Variants in GPC6 observed in about 807,000 individuals in gnomAD.
GPC6 encodes glypican-6.
A neutral mutation model predicts 55.2 loss-of-function variants in GPC6; 14 were observed. The observed-to-expected ratio is 0.25, with a 90% CI of 0.17 to 0.40. The LOEUF is 0.40. GPC6 is among the 10% of genes least tolerant of loss of function. The pLI, the probability that GPC6 is intolerant of heterozygous loss-of-function variation, is 1.00. For synonymous variants in GPC6, 278 were observed against 259.6 expected (o/e 1.07, Z -0.68); for missense variants, 641 against 708.5 (o/e 0.90, Z 1.08).
chr13:93,661,936 A>AT (rs760377318), intron 2 of GPC6, among the ~76,000 whole-genome samples: 3 of 152,048 alleles, frequency 2.0e-5, no homozygotes, highest in Non-Finnish European at 4.4e-5. Flanking sequence ...TGGGCCAGCT[A>AT]TTTTTCAATG....
chr13:94,312,325 T>TAAA (rs1388666095), intron 6 of GPC6, among the ~76,000 whole-genome samples: 1 of 152,222 alleles, frequency 6.6e-6, no homozygotes, highest in Non-Finnish European at 1.5e-5. Context: ...ATATGCAACT[T>TAAA]TTTTAATTGT....
intron 2 of GPC6, among the ~76,000 whole-genome samples, chr13:93,801,308 G>T (rs909269517): frequency 6.6e-6 from 1 of 152,140 alleles, no homozygotes; most frequent in African/African-American, 2.4e-5. Context: ...TAGAACTAAA[G>T]ATAACAAAGA....
intron 1 of GPC6, among the ~76,000 whole-genome samples, chr13:93,405,644 T>G (rs1876259088): frequency 6.9e-6 from 1 of 144,328 alleles, no homozygotes; most frequent in South Asian, 2.2e-4. Context: ...CTCAATATAA[T>G]CCTTTTTTTT....
intron 4 of GPC6, among the ~76,000 whole-genome samples, chr13:94,249,296 T>C (rs965495734): frequency 2.0e-5 from 3 of 152,154 alleles, no homozygotes; most frequent in Admixed American, 6.5e-5. Flanking sequence ...CACACATCAT[T>C]AGACCTCAGA....
intron 1 of GPC6, among the ~76,000 whole-genome samples, chr13:93,355,669 G>A (rs1414705198): frequency 3.3e-5 from 5 of 152,128 alleles, no homozygotes; most frequent in African/African-American, 1.2e-4. Context: ...GAGAAGTGAT[G>A]GAACTAGAAC....
At chr13:94,284,612 T>C (rs974282802) in intron 4 of GPC6, among the ~76,000 whole-genome samples, 2 of 152,118 alleles carry the variant, frequency 1.3e-5, no homozygotes, top group Non-Finnish European at 2.9e-5. Context: ...CTTCTTCCTA[T>C]TCTTCACAAA....
At chr13:93,732,120 T>C (rs1883845982) in intron 2 of GPC6, among the ~76,000 whole-genome samples, 1 of 152,218 alleles carries the variant, frequency 6.6e-6, no homozygotes, top group Non-Finnish European at 1.5e-5. Flanking sequence ...CTTTCTATTC[T>C]GAGAGAAAAA....
At chr13:93,647,908 C>T (rs1880241681) in intron 2 of GPC6, among the ~76,000 whole-genome samples, 1 of 152,110 alleles carries the variant, frequency 6.6e-6, no homozygotes, top group Non-Finnish European at 1.5e-5. Flanking sequence ...CGACACCCTT[C>T]CCTGGTGTAG....
rs189950559 is a variant in GPC6, at chr13:94,068,114, T to C, written c.877+40220T>C. On this transcript the variant is annotated intron_variant, in intron 4 of 8. Coordinates refer to ENST00000377047, the MANE Select transcript of GPC6 (RefSeq NM_005708.5). ...TAAAGACATACTCGAGACTGGGCAA[T>C]GTACAAAAGAAAGAGGTTTAATGGA... 2.0e-5 allele frequency among the ~76,000 whole-genome samples: 3 copies of C among 152,258 alleles called. No homozygotes were observed. In the East Asian group the frequency reaches 5.8e-4, roughly 29 times the overall value.
chr13:93,763,083 T>C (rs1885004298), intron 2 of GPC6, among the ~76,000 whole-genome samples: 1 of 152,232 alleles, frequency 6.6e-6, no homozygotes, highest in South Asian at 2.1e-4. Context: ...TTCTCCGTTT[T>C]CATGATAGGA....
intron 4 of GPC6, among the ~76,000 whole-genome samples, chr13:94,104,955 G>T (rs1174704991): frequency 6.6e-6 from 1 of 151,970 alleles, no homozygotes; most frequent in African/African-American, 2.4e-5. Context: ...TCACAGAATT[G>T]GAAAAAACTA....
At chr13:94,006,166 A>G (rs1882013447) in intron 3 of GPC6, among the ~76,000 whole-genome samples, 1 of 152,138 alleles carries the variant, frequency 6.6e-6, no homozygotes, top group Non-Finnish European at 1.5e-5. Flanking sequence ...TCACGCACAT[A>G]CTCCTCAAAA....
intron 1 of GPC6, among the ~76,000 whole-genome samples, chr13:93,528,469 G>A (rs900218539): frequency 6.6e-6 from 1 of 152,152 alleles, no homozygotes; most frequent in African/African-American, 2.4e-5. Flanking sequence ...GTCACTGGGA[G>A]GTGGTGAATT....
rs5805827 is a variant in GPC6 at position 93,811,589 on chromosome 13, AT to A, written c.320-18554del. Among the ~76,000 whole-genome samples the A allele has an allele frequency of 2.1e-3, 307 of 148,882 alleles. 1 individual carries two copies. The highest frequency in any genetic ancestry group is 1.6e-3 in the Admixed American group (24 of 14,938). On this transcript the variant is annotated intron_variant, in intron 2 of 8. Transcript: ENST00000377047. ...CCCCACAAGCTTGACTGTGGATCGG[AT>A]TTTTTTTTTTCCCCCTAACAAATGG...
chr13:94,344,516 C>CT (rs1245160684), intron 6 of GPC6, among the ~76,000 whole-genome samples: 2 of 152,320 alleles, frequency 1.3e-5, no homozygotes, highest in South Asian at 2.1e-4. Flanking sequence ...CTCATAAATG[C>CT]TTTTTTGCAC....
At chr13:93,636,278 T>C (rs1364496057) in intron 2 of GPC6, among the ~76,000 whole-genome samples, 1 of 152,176 alleles carries the variant, frequency 6.6e-6, no homozygotes, top group African/African-American at 2.4e-5. Context: ...AATCCACCGA[T>C]GGTCAAAGCA....
At chr13:93,906,112 A>G (rs1876651522) in intron 3 of GPC6, among the ~76,000 whole-genome samples, 2 of 152,154 alleles carry the variant, frequency 1.3e-5, no homozygotes, top group African/African-American at 4.8e-5. Flanking sequence ...CCTCAGTGCA[A>G]GAGTGCAGTC....
chr13:93,314,977 CAGAG>C (rs1342441562), intron 1 of GPC6, among the ~76,000 whole-genome samples: 2 of 151,860 alleles, frequency 1.3e-5, no homozygotes, highest in Non-Finnish European at 2.9e-5. Flanking sequence ...GCAGTAGAAA[CAGAG>C]AGGGAACAGT....
intron 1 of GPC6, among the ~76,000 whole-genome samples, chr13:93,325,110 A>G (rs1457959139): frequency 6.6e-6 from 1 of 151,890 alleles, no homozygotes; most frequent in Non-Finnish European, 1.5e-5. Flanking sequence ...AAAAATTTGC[A>G]TGCTTAGGAA....
Sources: allele counts gnomAD v4.1 joint callset (sites outside exome capture counted in the v4.1 genomes callset), GRCh38; gene constraint gnomAD v4.1.1; transcripts MANE v1.5; gene names NCBI Gene and HGNC (gene_info 2026-07-23, HGNC 2026-07-21).